Variants in RBFOX1 observed in about 807,000 individuals in gnomAD.
RBFOX1 encodes the protein RNA binding protein fox-1 homolog 1.
In RBFOX1, 8 loss-of-function variants were observed where a neutral mutation model predicts 57.7. The ratio of observed to expected loss-of-function variants is 0.14; its 90% CI spans 0.08 to 0.25. The LOEUF is 0.25. Among genes scored for constraint, RBFOX1 ranks in the 10% least tolerant of loss-of-function variants. RBFOX1 has a pLI of 1.00. For synonymous variants in RBFOX1, 326 were observed against 222.4 expected, an observed-to-expected ratio of 1.47 and a Z score of -4.15; for missense variants, 611 against 548.5, an observed-to-expected ratio of 1.11 and a Z score of -1.14.
At chr16:7,153,623 G>T (rs71374931) in intron 4 of RBFOX1, among the ~76,000 whole-genome samples, 3 of 150,858 alleles carry the variant, frequency 2.0e-5, no homozygotes, top group Admixed American at 1.3e-4. Flanking sequence ...GGAGGGGGGC[G>T]CCTATAATTC....
intron 3 of RBFOX1, among the ~76,000 whole-genome samples, chr16:6,657,148 C>T (rs192983878): frequency 6.7e-6 from 1 of 149,184 alleles, no homozygotes; most frequent in African/African-American, 2.5e-5. Context: ...CTCTCCTCTT[C>T]TCTCCTCTTT....
intron 3 of RBFOX1, among the ~76,000 whole-genome samples, chr16:6,859,269 T>C (rs1006698789): frequency 6.7e-6 from 1 of 149,212 alleles, no homozygotes; most frequent in Admixed American, 6.7e-5. Context: ...TAAAAATGAC[T>C]CCTCTTGAAT....
chr16:7,545,840 C>G (rs1417034462), intron 5 of RBFOX1, among the ~76,000 whole-genome samples: 1 of 152,058 alleles, frequency 6.6e-6, no homozygotes, highest in African/African-American at 2.4e-5. Flanking sequence ...CACAGACATC[C>G]TCAGAGCCTC....
At chr16:6,370,655 A>C (rs548503251) in intron 2 of RBFOX1, among the ~76,000 whole-genome samples, 2 of 152,262 alleles carry the variant, frequency 1.3e-5, no homozygotes, top group South Asian at 4.1e-4. Context: ...GAGACAAAGT[A>C]ATATAGTGGT....
Position 7,029,209 on chromosome 16 carries a change from C to T in RBFOX1, c.-15-22848C>T, listed in dbSNP as rs71386446. Among the ~76,000 whole-genome samples the T allele has an allele frequency of 0.013, 517 of 40,202 alleles. 74 individuals carry two copies. In the East Asian group the frequency reaches 0.2, roughly 16 times the overall value. 26.4% of individuals were successfully genotyped at this position (40,202 alleles called of 152,430 possible). On this transcript the variant is annotated intron_variant, in intron 3 of 15. Coordinates refer to ENST00000550418, the MANE Select transcript of RBFOX1 (RefSeq NM_018723.4). ...ATATATACACATATGTATACGTATACGTATATATATACACACATATATATA... is the reference window on the plus strand; with the variant it reads ...ATATATACACATATGTATACGTATATGTATATATATACACACATATATATA...
chr16:5,477,253 T>G (rs2069360024), intron 2 of RBFOX1, among the ~76,000 whole-genome samples: 1 of 148,336 alleles, frequency 6.7e-6, no homozygotes, highest in African/African-American at 2.4e-5. Flanking sequence ...GTGCCTGTAT[T>G]TTTTTTCCTA....
chr16:5,748,688 C>T (rs146928030), intron 3 of RBFOX1, among the ~76,000 whole-genome samples: 24,391 of 151,884 alleles, frequency 0.16, 2,308 homozygotes, highest in African/African-American at 0.24. Flanking sequence ...AGACTAGGAC[C>T]GCAACCCCTG....
At chr16:5,265,270 T>C (rs1447863075) in intron 1 of RBFOX1, among the ~76,000 whole-genome samples, 2 of 152,190 alleles carry the variant, frequency 1.3e-5, no homozygotes, top group African/African-American at 4.8e-5. Flanking sequence ...CCACATTCCA[T>C]GGACTCTTGA....
At position 6,879,003 on chromosome 16, in the gene RBFOX1, T is replaced by C. The variant is rs564713655; in HGVS notation, c.-15-173054T>C. 4.6e-5 allele frequency among the ~76,000 whole-genome samples: 7 copies of C among 152,266 alleles called. No homozygotes were observed. In the East Asian group the frequency reaches 9.7e-4, roughly 21 times the overall value. Reference sequence around the variant, plus strand: ...TTGTATAAGGTCATGCAAATGCTAATAAGCAAAGCCCAGATTACTAAACCA... The same window carrying C: ...TTGTATAAGGTCATGCAAATGCTAACAAGCAAAGCCCAGATTACTAAACCA... On this transcript the variant is annotated intron_variant, in intron 3 of 15. Coordinates refer to ENST00000550418, the MANE Select transcript of RBFOX1 (RefSeq NM_018723.4).
At chr16:6,899,000 C>T (rs529076808) in intron 3 of RBFOX1, among the ~76,000 whole-genome samples, 44 of 121,726 alleles carry the variant, frequency 3.6e-4, no homozygotes, top group East Asian at 1.6e-3. Context: ...ATATATAATG[C>T]GTGTATGCAT....
At chr16:5,326,338 T>C (rs370115409) in intron 1 of RBFOX1, among the ~76,000 whole-genome samples, 6 of 152,324 alleles carry the variant, frequency 3.9e-5, no homozygotes, top group African/African-American at 1.4e-4. Context: ...CTCAGAGGTT[T>C]ACTCAAAGGT....
At chr16:5,849,423 C>G (rs114575753) in intron 3 of RBFOX1, among the ~76,000 whole-genome samples, 2 of 152,046 alleles carry the variant, frequency 1.3e-5, no homozygotes, top group Non-Finnish European at 2.9e-5. Flanking sequence ...GGCACTGATG[C>G]ATTTGCTACA....
At chr16:6,077,707 T>TATTTATTC (rs1158266835) in intron 1 of RBFOX1, among the ~76,000 whole-genome samples, 1 of 151,708 alleles carries the variant, frequency 6.6e-6, no homozygotes, top group Non-Finnish European at 1.5e-5. Context: ...TTTATTTATT[T>TATTTATTC]ATTCATTTAT....
At chr16:5,790,778 G>C (rs2054664399) in intron 3 of RBFOX1, among the ~76,000 whole-genome samples, 1 of 152,088 alleles carries the variant, frequency 6.6e-6, no homozygotes, top group African/African-American at 2.4e-5. Context: ...TCCTCATTTG[G>C]CCTTACAGGA....
At chr16:6,660,264 G>C (rs1446193786) in intron 3 of RBFOX1, among the ~76,000 whole-genome samples, 1 of 151,120 alleles carries the variant, frequency 6.6e-6, no homozygotes, top group East Asian at 1.9e-4. Context: ...TGCTTAAAGA[G>C]TATTACGGAA....
At chr16:6,849,696 A>T (rs1485855950) in intron 3 of RBFOX1, among the ~76,000 whole-genome samples, 1 of 152,062 alleles carries the variant, frequency 6.6e-6, no homozygotes, top group African/African-American at 2.4e-5. Context: ...TAAAACAAAA[A>T]AAACTGAAAA....
intron 3 of RBFOX1, among the ~76,000 whole-genome samples, chr16:6,850,475 G>A (rs946193803): frequency 6.6e-6 from 1 of 152,066 alleles, no homozygotes; most frequent in African/African-American, 2.4e-5. Flanking sequence ...CTTATCAGGA[G>A]ACTGATTGCC....
chr16:7,531,375 A>C (rs2058045161), intron 5 of RBFOX1, among the ~76,000 whole-genome samples: 1 of 152,186 alleles, frequency 6.6e-6, no homozygotes, highest in African/African-American at 2.4e-5. Flanking sequence ...TGGAAATGGT[A>C]CTACCAGCTT....
intron 4 of RBFOX1, among the ~76,000 whole-genome samples, chr16:7,424,916 A>C (rs759831471): frequency 1.3e-5 from 2 of 152,186 alleles, no homozygotes; most frequent in Non-Finnish European, 2.9e-5. Context: ...AATATAATAC[A>C]AATTATATTC....
Sources: allele counts gnomAD v4.1 joint callset (sites outside exome capture counted in the v4.1 genomes callset), GRCh38; gene constraint gnomAD v4.1.1; transcripts MANE v1.5; gene names NCBI Gene and HGNC (gene_info 2026-07-23, HGNC 2026-07-21).